NCALD: variants seen among roughly 807,000 people sequenced by gnomAD.
The protein encoded by NCALD is neurocalcin-delta.
A neutral mutation model predicts 18.6 loss-of-function variants in NCALD; 10 were observed. The ratio of observed to expected loss-of-function variants is 0.54; its 90% CI spans 0.33 to 0.91. NCALD has a LOEUF of 0.91. Among genes scored for constraint, NCALD ranks in the 40% least tolerant of loss-of-function variants. NCALD has a pLI of 0.03. For synonymous variants in NCALD, 88 were observed against 87.4 expected (o/e 1.01, Z -0.04); for missense variants, 184 against 247.6 (o/e 0.74, Z 1.72).
intron 1 of NCALD, among the ~76,000 whole-genome samples, chr8:101,729,325 C>T (rs1010103733): frequency 1.3e-5 from 2 of 152,304 alleles, no homozygotes; most frequent in Middle Eastern, 3.4e-3. Context: ...ATATAATAAT[C>T]TCACTAACTT....
At chr8:102,042,295 T>A (rs895228080) in intron 1 of NCALD, among the ~76,000 whole-genome samples, 6 of 151,942 alleles carry the variant, frequency 3.9e-5, no homozygotes, top group Non-Finnish European at 7.4e-5. Flanking sequence ...CAAAAGAATA[T>A]GTGAGAAGGA....
chr8:101,978,117 G>A (rs1452142706), intron 2 of NCALD, among the ~76,000 whole-genome samples: 3 of 151,254 alleles, frequency 2.0e-5, no homozygotes, highest in Admixed American at 1.3e-4. Context: ...GCCCACCCCC[G>A]AGAAGTGCAT....
chr8:101,836,819 T>C (rs1196934201), intron 4 of NCALD, among the ~76,000 whole-genome samples: 1 of 152,202 alleles, frequency 6.6e-6, no homozygotes, highest in Non-Finnish European at 1.5e-5. Flanking sequence ...AATTCTCTGT[T>C]TGTGATTGTC....
At chr8:101,870,277 C>T (rs1190015124) in intron 4 of NCALD, among the ~76,000 whole-genome samples, 5 of 152,010 alleles carry the variant, frequency 3.3e-5, no homozygotes, top group African/African-American at 4.8e-5. Context: ...GTGTTAGAAA[C>T]GAGTATTTCA....
chr8:101,797,579 T>C (rs1245510927), intron 4 of NCALD, among the ~76,000 whole-genome samples: 1 of 152,098 alleles, frequency 6.6e-6, no homozygotes, highest in Non-Finnish European at 1.5e-5. Context: ...GCACTTTGGG[T>C]GGCCAAAGCA....
At chr8:101,853,267 T>C (rs1815171955) in intron 4 of NCALD, among the ~76,000 whole-genome samples, 1 of 152,126 alleles carries the variant, frequency 6.6e-6, no homozygotes, top group African/African-American at 2.4e-5. Context: ...TCAAAGATAA[T>C]AAACAAGGAA....
intron 1 of NCALD, among the ~76,000 whole-genome samples, chr8:102,100,073 C>G (rs1356523910): frequency 6.6e-6 from 1 of 151,658 alleles, no homozygotes; most frequent in Non-Finnish European, 1.5e-5. Context: ...CCATTTAATA[C>G]TCACTGAAAA....
chr8:101,921,923 C>T (rs1195276127), intron 2 of NCALD, among the ~76,000 whole-genome samples: 2 of 151,204 alleles, frequency 1.3e-5, no homozygotes, highest in East Asian at 3.9e-4. Flanking sequence ...TTTTTGACAC[C>T]CAAACATGAT....
intron 2 of NCALD, among the ~76,000 whole-genome samples, chr8:101,704,134 T>C (rs1200479426): frequency 6.6e-6 from 1 of 152,140 alleles, no homozygotes; most frequent in Non-Finnish European, 1.5e-5. Flanking sequence ...CCTGGAAAGT[T>C]CAAACTGTTT....
At chr8:101,959,951 G>A (rs7839884) in intron 2 of NCALD, among the ~76,000 whole-genome samples, 53,194 of 146,636 alleles carry the variant, frequency 0.36, 9,687 homozygotes, top group South Asian at 0.45. Context: ...GGGCTCCAAC[G>A]TCCTTCCTGA....
intron 2 of NCALD, among the ~76,000 whole-genome samples, chr8:101,989,332 C>T (rs544826832): frequency 1.2e-4 from 18 of 152,248 alleles, no homozygotes; most frequent in African/African-American, 4.3e-4. Flanking sequence ...AATGTGTATC[C>T]AGAGCCACAA....
chr8:101,877,712 T>C (rs1010099833), intron 4 of NCALD, among the ~76,000 whole-genome samples: 2 of 152,224 alleles, frequency 1.3e-5, no homozygotes, highest in African/African-American at 4.8e-5. Context: ...TTAAGTGACT[T>C]TGGGCAAATG....
At chr8:101,857,525 T>C (rs570295244) in intron 4 of NCALD, among the ~76,000 whole-genome samples, 7 of 152,284 alleles carry the variant, frequency 4.6e-5, no homozygotes, top group Admixed American at 4.6e-4. Context: ...GCTAATACCA[T>C]TGATCCTGCT....
intron 4 of NCALD, among the ~76,000 whole-genome samples, chr8:101,886,484 C>T (rs559350771): frequency 1.3e-5 from 2 of 152,254 alleles, no homozygotes; most frequent in East Asian, 1.9e-4. Flanking sequence ...CACTAGCTCT[C>T]GTCTGGGGCC....
chr8:101,999,036 T>A (rs1433517828), intron 2 of NCALD, among the ~76,000 whole-genome samples: 2 of 120,090 alleles, frequency 1.7e-5, no homozygotes, highest in Non-Finnish European at 1.6e-5. Context: ...TGGTTTGAAA[T>A]GAGGGGGAAA....
chr8:101,776,794 A>G (rs1811810082), intron 1 of NCALD, among the ~76,000 whole-genome samples: 1 of 152,162 alleles, frequency 6.6e-6, no homozygotes, highest in South Asian at 2.1e-4. Flanking sequence ...TAGGTTTTAA[A>G]TCATGATTAT....
chr8:102,071,713 C>A (rs1824183174), intron 1 of NCALD, among the ~76,000 whole-genome samples: 1 of 109,300 alleles, frequency 9.1e-6, no homozygotes, highest in Non-Finnish European at 1.8e-5. Flanking sequence ...AATCAGCAAT[C>A]AGAAAACGAA....
intron 1 of NCALD, among the ~76,000 whole-genome samples, chr8:102,102,678 C>T (rs986978620): frequency 1.3e-5 from 2 of 152,164 alleles, no homozygotes; most frequent in East Asian, 1.9e-4. Flanking sequence ...CCTCCACTGC[C>T]GAAGCACTTC....
At chr8:102,099,664 C>T (rs1825211208) in intron 1 of NCALD, among the ~76,000 whole-genome samples, 1 of 151,758 alleles carries the variant, frequency 6.6e-6, no homozygotes, top group South Asian at 2.1e-4. Context: ...AATCTCTCAG[C>T]TGGGCACCGT....
Sources: allele counts gnomAD v4.1 joint callset (sites outside exome capture counted in the v4.1 genomes callset), GRCh38; gene constraint gnomAD v4.1.1; transcripts MANE v1.5; gene names NCBI Gene and HGNC (gene_info 2026-07-23, HGNC 2026-07-21).